The following SFT2D1 variants were observed in gnomAD, a reference collection of about 807,000 sequenced individuals.
The protein encoded by SFT2D1 is vesicle transport protein SFT2A.
Under a neutral mutation model 28.1 loss-of-function variants are expected in SFT2D1, and 24 were observed. The observed-to-expected ratio is 0.85, with a 90% CI of 0.62 to 1.20. The LOEUF (loss-of-function observed/expected upper bound fraction) is 1.20. SFT2D1 is among the 50% of genes most tolerant of loss of function. The pLI is 0.00. For missense variants in SFT2D1, 181 were observed against 190.9 expected, an observed-to-expected ratio of 0.95 and a Z score of 0.31; for synonymous variants, 82 against 73.7, an observed-to-expected ratio of 1.11 and a Z score of -0.58.
At chr6:166,331,649 G>A (rs938801963) in intron 1 of SFT2D1, among the ~76,000 whole-genome samples, 5 of 151,920 alleles carry the variant, frequency 3.3e-5, no homozygotes, top group African/African-American at 7.3e-5. Context: ...TTTTAACTAC[G>A]CAGGCCAGAA....
At chr6:166,335,996 T>A (rs1388241647) in intron 1 of SFT2D1, among the ~76,000 whole-genome samples, 1 of 152,262 alleles carries the variant, frequency 6.6e-6, no homozygotes, top group East Asian at 1.9e-4. Context: ...GTACCAAGCA[T>A]TCCAACAAAG....
chr6:166,341,781 C>A (rs909456484), intron 1 of SFT2D1, among the ~76,000 whole-genome samples: 2 of 151,990 alleles, frequency 1.3e-5, no homozygotes, highest in Non-Finnish European at 2.9e-5. Context: ...GAGGAAGTAA[C>A]CCTTATCAAG....
At chr6:166,322,606 T>C (rs1778376588) in intron 7 of SFT2D1, among the ~76,000 whole-genome samples, 1 of 147,248 alleles carries the variant, frequency 6.8e-6, no homozygotes, top group Non-Finnish European at 1.5e-5. Context: ...GGCAGGGGAA[T>C]CTTGAACCCA....
At chr6:166,322,714 ATGT>A in intron 7 of SFT2D1, 140 bp downstream of exon 7, 1 of 572,852 alleles carries the variant, frequency 1.7e-6, no homozygotes, top group Non-Finnish European at 3.0e-6. Flanking sequence ...AAAAAAAAGT[ATGT>A]TTATTTCCTT....
intron 7 of SFT2D1, among the ~76,000 whole-genome samples, chr6:166,320,604 T>C (rs542163646): frequency 1.3e-5 from 2 of 152,128 alleles, no homozygotes; most frequent in East Asian, 3.9e-4. Flanking sequence ...CCAGGATAAG[T>C]GCAGTGGCGT....
At chr6:166,323,075 A>G (rs1020661088) in intron 6 of SFT2D1, 189 bp from the exon 7 acceptor site, 1 of 493,078 alleles carries the variant, frequency 2.0e-6, no homozygotes, top group Non-Finnish European at 3.6e-6. Context: ...ATTAGGTCCT[A>G]CCTTAAACCT....
At chr6:166,330,656 G>C (rs1490147265) in intron 1 of SFT2D1, among the ~76,000 whole-genome samples, 1 of 152,236 alleles carries the variant, frequency 6.6e-6, no homozygotes, top group Non-Finnish European at 1.5e-5. Flanking sequence ...TTCATTATCT[G>C]TTCTCTCTGC....
chr6:166,326,133 C>G lies in SFT2D1; in HGVS notation c.350G>C (p.Trp117Ser). The G allele has an allele frequency of 6.2e-7, 1 of 1,613,646 alleles. No individual in the cohort carries two copies. The highest frequency in any genetic ancestry group is 8.5e-7 in the Non-Finnish European group (1 of 1,179,696). ...GCCAGTAGGGCTGACATAACTTACC[C>G]AAAGAGCAGCACACAGGGTAAATAT... Reference protein sequence around the residue: ...CFIFTLCAALWWHKKGLAVLF... With the variant: ...CFIFTLCAALSWHKKGLAVLF... Residue 117 changes from tryptophan to serine, a missense_variant and splice_region_variant, in exon 5 of 8, where the codon TGG becomes TCG. Coordinates refer to ENST00000361731, the MANE Select transcript of SFT2D1 (RefSeq NM_145169.3).
At chr6:166,320,370 C>CA (rs1778328268) in intron 7 of SFT2D1, 114 bp from the exon 8 acceptor site, 1 of 739,784 alleles carries the variant, frequency 1.4e-6, no homozygotes, top group African/African-American at 1.8e-5. Context: ...TGCTCCAACA[C>CA]ACTTTTTGAT....
In SFT2D1 at chr6:166,342,471, A is replaced by G. The variant is rs1312410391; in HGVS notation, c.11T>C (p.Leu4Pro). ...GTCCTGGCCGCTCAGGACTCGCCGC[A>G]GCTTCTCCATGGCCCTGTTACAGGG... MEK[L>P]RRVLSGQDDE... Residue 4 changes from leucine (L) to proline (P), a missense_variant, in exon 1 of 8, where the codon CTG (leucine) becomes CCG (proline). Leu to Pro is a moderately conservative substitution (Grantham distance 98). Coordinates refer to ENST00000361731, the MANE Select transcript of SFT2D1 (RefSeq NM_145169.3). 1 of 1,555,440 alleles carries G rather than the reference A, an allele frequency of 6.4e-7. No homozygotes were observed. The highest frequency in any genetic ancestry group is 1.9e-5 in the Admixed American group (1 of 51,792).
intron 1 of SFT2D1, among the ~76,000 whole-genome samples, chr6:166,339,593 C>T (rs1778735516): frequency 6.6e-6 from 1 of 152,186 alleles, no homozygotes; most frequent in Admixed American, 6.5e-5. Flanking sequence ...CCCCATCCAG[C>T]CACCAAGACT....
intron 6 of SFT2D1, 102 bp downstream of exon 6, chr6:166,324,435 C>T: frequency 8.6e-7 from 1 of 1,165,408 alleles, no homozygotes; most frequent in Non-Finnish European, 1.2e-6. Context: ...CTGTCTGGCT[C>T]CAAAACACCA....
intron 7 of SFT2D1, among the ~76,000 whole-genome samples, chr6:166,322,518 C>T (rs567718334): frequency 6.6e-6 from 1 of 151,526 alleles, no homozygotes; most frequent in South Asian, 2.1e-4. Context: ...GGTGAAATCC[C>T]GTCTCTACTA....
Position 166,328,379 on chromosome 6 carries a change from A to G in SFT2D1, c.234-22T>C, listed in dbSNP as rs755757776. ...TGTACTATTTGAAACAAATAAAGTGACTGAGGTACAGGTCTACTAATTTAT... is the reference window on the plus strand; with the variant it reads ...TGTACTATTTGAAACAAATAAAGTGGCTGAGGTACAGGTCTACTAATTTAT... On this transcript the variant is annotated intron_variant, in intron 3 of 7. Coordinates refer to ENST00000361731, the MANE Select transcript of SFT2D1 (RefSeq NM_145169.3). 2.1e-6 allele frequency: 3 copies of G among 1,404,120 alleles called. No individual in the cohort carries two copies. The African/African-American group carries it at 4.3e-5, about 20-fold the overall frequency. The allele number at this position is 1,404,120 out of a possible 1,614,324, so 87.0% of individuals were successfully genotyped here.
chr6:166,327,723 G>A (rs759720896), intron 4 of SFT2D1, among the ~76,000 whole-genome samples: 2 of 152,112 alleles, frequency 1.3e-5, no homozygotes, highest in African/African-American at 2.4e-5. Context: ...TGCCATATAC[G>A]CAGCAGAAGC....
At chr6:166,333,117 G>A (rs1231534820) in intron 1 of SFT2D1, among the ~76,000 whole-genome samples, 3 of 152,216 alleles carry the variant, frequency 2.0e-5, no homozygotes, top group Admixed American at 6.5e-5. Flanking sequence ...CAAAATAGCA[G>A]TGGGTATAAA....
chr6:166,329,528 C>T lies in SFT2D1; in HGVS notation c.212G>A (p.Gly71Asp), dbSNP rs1385859589. 1 of 1,609,352 alleles carries T rather than the reference C, an allele frequency of 6.2e-7. No individual in the cohort carries two copies. Among genetic ancestry groups the T allele is most frequent in the South Asian group, 1.1e-5 (1 of 90,364 alleles). ...GTACCTGGCTAACGCAGCAAGATTG[C>T]CGAGGGTATAAAACACTGCAAAAAG... is the stretch of plus-strand genomic sequence containing the variant. ...IKLFAVFYTL[G>D]NLAALASTCF... Residue 71 changes from glycine to aspartate, a missense_variant, in exon 3 of 8, where the codon GGC becomes GAC. Gly to Asp is a moderately conservative substitution (Grantham distance 94). Transcript: ENST00000361731.
At position 166,325,973 on chromosome 6, in the gene SFT2D1, A is replaced by G. The variant is rs11961289; in HGVS notation, c.351+159T>C. 14,907 of 705,052 alleles carry G rather than the reference A, an allele frequency of 0.021. 1,558 individuals carry two copies. In the African/African-American group the frequency reaches 0.24, roughly 11 times the overall value. The allele number at this position is 705,052 out of a possible 1,614,324, so 43.7% of individuals were successfully genotyped here. ...CAGTAGAATCTATGGCATTTTTAGCAACTAGCTGGATGGTAACATGTCAAA... is the reference window on the plus strand; with the variant it reads ...CAGTAGAATCTATGGCATTTTTAGCGACTAGCTGGATGGTAACATGTCAAA... On this transcript the variant is annotated intron_variant, in intron 5 of 7. Transcript: ENST00000361731.
At chr6:166,321,664 A>C (rs980538114) in intron 7 of SFT2D1, among the ~76,000 whole-genome samples, 4 of 152,190 alleles carry the variant, frequency 2.6e-5, no homozygotes, top group Non-Finnish European at 5.9e-5. Context: ...TTAAATATAT[A>C]ACATATCTTT....
Sources: gnomAD v4.1 joint callset for allele counts (sites outside exome capture counted in the v4.1 genomes callset) on GRCh38, gnomAD v4.1.1 for gene constraint, MANE v1.5 for transcripts, NCBI Gene and HGNC (gene_info 2026-07-23, HGNC 2026-07-21) for gene names.